The following GRIP1 variants were observed in gnomAD, a reference collection of about 807,000 sequenced individuals.
GRIP1 encodes the protein glutamate receptor-interacting protein 1.
In GRIP1, 45 loss-of-function variants were observed where a neutral mutation model predicts 129.9. The observed-to-expected ratio is 0.35, with a 90% CI of 0.27 to 0.44. GRIP1 has a LOEUF of 0.44. Ranked by LOEUF, GRIP1 falls within the 20% of genes least tolerant of loss-of-function variation. The probability of loss-of-function intolerance (pLI) is 1.00; values close to 1 mark genes in which losing one functional copy is unlikely to be tolerated. For synonymous variants in GRIP1, 530 were observed against 520.8 expected, an observed-to-expected ratio of 1.02 and a Z score of -0.24; for missense variants, 1,196 against 1,396.8, an observed-to-expected ratio of 0.86 and a Z score of 2.29.
Position 66,416,178 on chromosome 12 carries a change from T to G in GRIP1, c.1838+4542A>C, listed in dbSNP as rs760486241. Among the ~76,000 whole-genome samples the G allele has an allele frequency of 3.3e-5, 5 of 151,354 alleles. No individual in the cohort carries two copies. The East Asian group carries it at 5.8e-4, about 17-fold the overall frequency. ...GTGACCTGTGGGCCAATGAAGAAAT[T>G]AATAAGAAAATTAAAAAATTTCGTG... On this transcript the variant is annotated intron_variant, in intron 15 of 24. Coordinates refer to ENST00000359742, the MANE Select transcript of GRIP1 (RefSeq NM_001366722.1).
chr12:66,938,837 G>A (rs935185007), intron 1 of GRIP1, among the ~76,000 whole-genome samples: 6 of 152,048 alleles, frequency 3.9e-5, no homozygotes, highest in Non-Finnish European at 5.9e-5. Context: ...CATGCCTGTA[G>A]TCCCAGCTAC....
At chr12:66,864,227 A>T (rs1504311) in intron 1 of GRIP1, among the ~76,000 whole-genome samples, 59,949 of 151,408 alleles carry the variant, frequency 0.4, 12,125 homozygotes, top group East Asian at 0.7. Flanking sequence ...TCATGTCCTC[A>T]ATATACACCA....
intron 1 of GRIP1, among the ~76,000 whole-genome samples, chr12:66,753,630 C>T (rs926667737): frequency 6.6e-6 from 1 of 152,234 alleles, no homozygotes; most frequent in Admixed American, 6.5e-5. Flanking sequence ...CACTCAAAGT[C>T]TTTCCCTCTG....
intron 14 of GRIP1, 47 bp downstream of exon 14, chr12:66,432,498 AGTT>A: frequency 1.8e-6 from 2 of 1,086,236 alleles, no homozygotes; most frequent in Non-Finnish European, 2.8e-6. Context: ...TTGACAACAC[AGTT>A]TTCTAATGCC....
At chr12:66,663,820 G>A (rs969605954) in intron 1 of GRIP1, among the ~76,000 whole-genome samples, 3 of 152,160 alleles carry the variant, frequency 2.0e-5, no homozygotes, top group Non-Finnish European at 2.9e-5. Context: ...AACGTTTTCC[G>A]TTTGCACCTG....
intron 1 of GRIP1, among the ~76,000 whole-genome samples, chr12:66,648,416 CA>C (rs1431254120): frequency 3.3e-5 from 5 of 152,152 alleles, no homozygotes; most frequent in African/African-American, 1.2e-4. Context: ...TAAGTTCCAA[CA>C]AAATAAGGAA....
intron 1 of GRIP1, among the ~76,000 whole-genome samples, chr12:66,750,106 C>A (rs2037077899): frequency 6.6e-6 from 1 of 152,148 alleles, no homozygotes; most frequent in Non-Finnish European, 1.5e-5. Flanking sequence ...ACACATTTTT[C>A]TTCTCTCTAA....
chr12:66,661,653 G>A (rs1047720157), intron 1 of GRIP1, among the ~76,000 whole-genome samples: 3 of 152,028 alleles, frequency 2.0e-5, no homozygotes, highest in African/African-American at 4.8e-5. Flanking sequence ...AAATTTCACT[G>A]GAGTTGTAGG....
At chr12:66,815,854 T>TTCTTTCTTTCTTTCTTTCTCTC (rs1555241802) in intron 1 of GRIP1, among the ~76,000 whole-genome samples, 1,847 of 116,680 alleles carry the variant, frequency 0.016, 16 homozygotes, top group East Asian at 0.031. Flanking sequence ...CTTTCTTTCT[T>TTCTTTCTTTCTTTCTTTCTCTC]TCTCTCTCTC....
chr12:66,950,002 T>C (rs555729395), intron 1 of GRIP1, among the ~76,000 whole-genome samples: 6 of 151,980 alleles, frequency 3.9e-5, no homozygotes, highest in African/African-American at 1.4e-4. Context: ...GGTCTCAATC[T>C]CCTGACCTCG....
intron 2 of GRIP1, among the ~76,000 whole-genome samples, chr12:66,588,734 G>A (rs1169013000): frequency 1.3e-5 from 2 of 152,028 alleles, no homozygotes; most frequent in African/African-American, 2.4e-5. Flanking sequence ...ACTTTGGGAG[G>A]CCGAGGCAGG....
intron 1 of GRIP1, among the ~76,000 whole-genome samples, chr12:66,636,667 A>C (rs540412532): frequency 6.6e-6 from 1 of 151,618 alleles, no homozygotes; most frequent in East Asian, 1.9e-4. Flanking sequence ...TGAAGCCCTG[A>C]TCCAACAGAG....
At chr12:66,871,349 T>C (rs971498614) in intron 1 of GRIP1, among the ~76,000 whole-genome samples, 2 of 152,112 alleles carry the variant, frequency 1.3e-5, no homozygotes, top group African/African-American at 4.8e-5. Flanking sequence ...ACAGCACGAA[T>C]AGCAAGAAAC....
At chr12:66,845,066 T>C (rs908460827) in intron 1 of GRIP1, among the ~76,000 whole-genome samples, 10 of 152,218 alleles carry the variant, frequency 6.6e-5, no homozygotes, top group Admixed American at 1.3e-4. Context: ...CTTAACACTA[T>C]TGAACTGTAC....
At chr12:66,814,711 T>C (rs2039173151) in intron 1 of GRIP1, among the ~76,000 whole-genome samples, 1 of 151,996 alleles carries the variant, frequency 6.6e-6, no homozygotes. Context: ...TCTGTCACAC[T>C]GCTATGAAGA....
intron 1 of GRIP1, among the ~76,000 whole-genome samples, chr12:66,887,849 G>C (rs1258129413): frequency 6.6e-6 from 1 of 151,888 alleles, no homozygotes; most frequent in African/African-American, 2.4e-5. Flanking sequence ...TCCACCAAAA[G>C]AGAAAAAAAT....
chr12:66,961,119 T>C (rs572585846), intron 1 of GRIP1, among the ~76,000 whole-genome samples: 22 of 152,300 alleles, frequency 1.4e-4, no homozygotes, highest in African/African-American at 5.1e-4. Context: ...AAAAATATTT[T>C]CCATACAAAC....
At chr12:66,865,150 G>A (rs561532940) in intron 1 of GRIP1, among the ~76,000 whole-genome samples, 1 of 152,142 alleles carries the variant, frequency 6.6e-6, no homozygotes, top group Non-Finnish European at 1.5e-5. Flanking sequence ...CTGACTTTCA[G>A]TATTTTAGCT....
At chr12:66,354,151 G>A (rs376718784) in intron 23 of GRIP1, among the ~76,000 whole-genome samples, 14 of 151,976 alleles carry the variant, frequency 9.2e-5, no homozygotes, top group Admixed American at 2.0e-4. Flanking sequence ...GGCTTAACTC[G>A]CTCCCTCAGC....
Sources: gnomAD v4.1 joint callset for allele counts (sites outside exome capture counted in the v4.1 genomes callset) on GRCh38, gnomAD v4.1.1 for gene constraint, MANE v1.5 for transcripts, NCBI Gene and HGNC (gene_info 2026-07-23, HGNC 2026-07-21) for gene names.